The following DCC variants were observed in gnomAD, a reference collection of about 807,000 sequenced individuals.
DCC encodes the protein DCC netrin 1 receptor, also known as netrin receptor DCC.
In DCC, 58 loss-of-function variants were observed where a neutral mutation model predicts 172.5. That is an observed-to-expected ratio of 0.34 (90% CI 0.27 to 0.42). DCC has a LOEUF of 0.42. Among genes scored for constraint, DCC ranks in the 10% least tolerant of loss-of-function variants. The pLI, the probability that DCC is intolerant of heterozygous loss-of-function variation, is 1.00. For missense variants in DCC, 1,740 were observed against 1,791.0 expected (o/e 0.97, Z 0.51); for synonymous variants, 709 against 644.5 (o/e 1.10, Z -1.52).
chr18:53,433,753 T>A (rs1179878527), intron 21 of DCC, among the ~76,000 whole-genome samples: 3 of 152,160 alleles, frequency 2.0e-5, no homozygotes, highest in Non-Finnish European at 1.5e-5. Flanking sequence ...TCATTTTGAT[T>A]GTTCCTCTCA....
rs533424745 is a variant in DCC, at chr18:53,353,821, C to A, written c.2359+13914C>A. Among the ~76,000 whole-genome samples the A allele has an allele frequency of 2.6e-5, 4 of 152,086 alleles. No homozygotes were observed. In the East Asian group the frequency reaches 5.8e-4, roughly 22 times the overall value. On this transcript the variant is annotated intron_variant, in intron 15 of 28. Transcript: ENST00000442544. ...TTCTAGGGTACATGTGCACAACGTG[C>A]AGGTTTGTTACATATGTATACATGT...
intron 3 of DCC, among the ~76,000 whole-genome samples, chr18:52,921,427 G>C (rs527505077): frequency 6.6e-6 from 1 of 152,082 alleles, no homozygotes; most frequent in African/African-American, 2.4e-5. Context: ...AGCTGGGCTT[G>C]GTGGCTCACG....
chr18:52,792,268 A>G (rs2037785834), intron 2 of DCC, among the ~76,000 whole-genome samples: 2 of 152,196 alleles, frequency 1.3e-5, no homozygotes, highest in South Asian at 4.1e-4. Flanking sequence ...CAGTTACTAC[A>G]ACATTCCCAG....
At chr18:52,762,066 A>C (rs562025788) in intron 2 of DCC, among the ~76,000 whole-genome samples, 1 of 152,198 alleles carries the variant, frequency 6.6e-6, no homozygotes, top group East Asian at 1.9e-4. Context: ...GGCCAGATGG[A>C]GCTATGGAGT....
chr18:53,307,891 GTGTATGTATATATATATATATA>G (rs1409114916), intron 13 of DCC, among the ~76,000 whole-genome samples: 3 of 48,008 alleles, frequency 6.2e-5, no homozygotes, highest in Admixed American at 3.0e-4. Context: ...AGCAATGTGT[GTGTATGTATATATATATATATA>G]TATATATATA....
At chr18:52,469,454 A>C (rs185058562) in intron 1 of DCC, among the ~76,000 whole-genome samples, 57 of 152,328 alleles carry the variant, frequency 3.7e-4, no homozygotes, top group Non-Finnish European at 6.6e-4. Flanking sequence ...ATCTTAGCCT[A>C]TAGAGAGGCA....
At chr18:52,732,864 T>C (rs2036666006) in intron 1 of DCC, among the ~76,000 whole-genome samples, 1 of 152,166 alleles carries the variant, frequency 6.6e-6, no homozygotes, top group Non-Finnish European at 1.5e-5. Context: ...AAAGAAAAAG[T>C]TCAAAAATGT....
chr18:52,373,393 A>T (rs547709003), intron 1 of DCC, among the ~76,000 whole-genome samples: 1 of 152,296 alleles, frequency 6.6e-6, no homozygotes, highest in East Asian at 1.9e-4. Flanking sequence ...ACAAATCAGC[A>T]ATTTTTCAGC....
At chr18:52,878,761 CAG>C in intron 2 of DCC, among the ~76,000 whole-genome samples, 1 of 152,240 alleles carries the variant, frequency 6.6e-6, no homozygotes, top group South Asian at 2.1e-4. Flanking sequence ...GTTTCTGGCA[CAG>C]AGTAGGTGTT....
intron 21 of DCC, among the ~76,000 whole-genome samples, chr18:53,430,697 C>T (rs906379230): frequency 2.6e-5 from 4 of 152,022 alleles, no homozygotes; most frequent in African/African-American, 9.7e-5. Context: ...ATAGTAATAA[C>T]TTAAGATTTG....
At chr18:53,144,753 T>C (rs1039608491) in intron 7 of DCC, among the ~76,000 whole-genome samples, 1 of 152,108 alleles carries the variant, frequency 6.6e-6, no homozygotes, top group Admixed American at 6.5e-5. Flanking sequence ...GTGCCATTTG[T>C]TTTCCTTTAT....
intron 8 of DCC, among the ~76,000 whole-genome samples, chr18:53,173,222 CTACT>C: frequency 6.6e-6 from 1 of 152,128 alleles, no homozygotes; most frequent in South Asian, 2.1e-4. Flanking sequence ...TTAGCCTTAC[CTACT>C]TTAGATTACT....
intron 1 of DCC, among the ~76,000 whole-genome samples, chr18:52,583,677 C>G (rs1203003079): frequency 6.6e-6 from 1 of 151,964 alleles, no homozygotes. Flanking sequence ...AGAATCATAG[C>G]CATAAGTCAC....
chr18:53,178,963 G>C lies in DCC; in HGVS notation c.1420G>C (p.Glu474Gln), dbSNP rs181040857. 42 of 1,613,912 alleles carry C rather than the reference G, an allele frequency of 2.6e-5. No homozygotes were observed. In the Admixed American group the frequency reaches 5.2e-4, roughly 20 times the overall value. ...VFFSREGDNRERALNTTQPGS... is the reference protein window; with the variant it reads ...VFFSREGDNRQRALNTTQPGS... The stretch of plus-strand genomic sequence containing the variant: ...TTCTCTGCAACTTTGATTTCTCAGG[G>C]AACGAGCATTGAATACAACACAGCC... The change falls in exon 9 of 29, where the codon GAA (glutamate) becomes CAA (glutamine). Residue 474 changes from glutamate (E) to glutamine (Q), a missense_variant and splice_region_variant. Physicochemically the swap from Glu to Gln is conservative, Grantham distance 29 (BLOSUM62 2). Transcript: ENST00000442544.
At chr18:52,370,534 G>C (rs981086636) in intron 1 of DCC, among the ~76,000 whole-genome samples, 4 of 152,046 alleles carry the variant, frequency 2.6e-5, no homozygotes, top group Admixed American at 6.5e-5. Flanking sequence ...GGACACATTG[G>C]GGGGAACAAT....
At chr18:52,365,923 C>T (rs1315847554) in intron 1 of DCC, among the ~76,000 whole-genome samples, 3 of 152,148 alleles carry the variant, frequency 2.0e-5, no homozygotes, top group African/African-American at 7.2e-5. Context: ...ACCTGCAGTC[C>T]ATAGTTTGCT....
chr18:52,626,830 T>C (rs1281793411), intron 1 of DCC, among the ~76,000 whole-genome samples: 1 of 152,220 alleles, frequency 6.6e-6, no homozygotes, highest in African/African-American at 2.4e-5. Context: ...ATTTAAAGTA[T>C]ATGGGAGAAA....
At chr18:52,771,146 A>G (rs908646175) in intron 2 of DCC, among the ~76,000 whole-genome samples, 4 of 152,206 alleles carry the variant, frequency 2.6e-5, no homozygotes, top group Admixed American at 6.5e-5. Flanking sequence ...CTGAGCAAAG[A>G]GGCGCCCTGG....
intron 1 of DCC, among the ~76,000 whole-genome samples, chr18:52,517,281 C>A (rs952504006): frequency 6.6e-6 from 1 of 152,132 alleles, no homozygotes; most frequent in East Asian, 1.9e-4. Context: ...GGATCTTTCT[C>A]GATAGCTGCG....
Sources: gnomAD v4.1 joint callset for allele counts (sites outside exome capture counted in the v4.1 genomes callset) on GRCh38, gnomAD v4.1.1 for gene constraint, MANE v1.5 for transcripts, NCBI Gene and HGNC (gene_info 2026-07-23, HGNC 2026-07-21) for gene names.